The following AADACL4 variants were observed in gnomAD, a reference collection of about 807,000 sequenced individuals.
AADACL4 encodes the protein arylacetamide deacetylase-like 4.
In AADACL4, 9 loss-of-function variants were observed where a neutral mutation model predicts 14.1. That is an observed-to-expected ratio of 0.64 (90% CI 0.39 to 1.12). The LOEUF is 1.12. AADACL4 is among the 50% of genes most tolerant of loss of function. AADACL4 has a pLI of 0.01. For synonymous variants in AADACL4, 188 were observed against 201.6 expected, an observed-to-expected ratio of 0.93 and a Z score of 0.57; for missense variants, 531 against 516.1, an observed-to-expected ratio of 1.03 and a Z score of -0.28.
chr1:12,650,435 G>A (rs1446442878), intron 1 of AADACL4, among the ~76,000 whole-genome samples: 1 of 152,104 alleles, frequency 6.6e-6, no homozygotes, highest in Non-Finnish European at 1.5e-5. Context: ...TGTTGATACA[G>A]GTGAGGAACT....
intron 2 of AADACL4, among the ~76,000 whole-genome samples, chr1:12,654,654 C>T (rs1018952806): frequency 6.6e-6 from 1 of 152,116 alleles, no homozygotes; most frequent in African/African-American, 2.4e-5. Flanking sequence ...GTTATAATAG[C>T]CACAAACCTT....
chr1:12,658,809 A>C (rs1647204611), intron 2 of AADACL4, among the ~76,000 whole-genome samples: 1 of 150,976 alleles, frequency 6.6e-6, no homozygotes, highest in South Asian at 2.1e-4. Flanking sequence ...CCCCGGCTTC[A>C]TCCTTGTTAA....
intron 2 of AADACL4, among the ~76,000 whole-genome samples, chr1:12,653,833 T>C (rs1037538496): frequency 4.6e-5 from 7 of 152,226 alleles, no homozygotes; most frequent in Admixed American, 6.5e-5. Flanking sequence ...GAAGAGAACC[T>C]ATACCCTCTT....
intron 3 of AADACL4, among the ~76,000 whole-genome samples, chr1:12,663,970 A>G (rs1161194075): frequency 6.6e-6 from 1 of 152,236 alleles, no homozygotes; most frequent in Admixed American, 6.5e-5. Context: ...ATTATGCTGC[A>G]ATCAATCAAA....
At chr1:12,659,938 C>T (rs909759469) in intron 2 of AADACL4, among the ~76,000 whole-genome samples, 1 of 152,240 alleles carries the variant, frequency 6.6e-6, no homozygotes, top group Admixed American at 6.5e-5. Flanking sequence ...CCTGCCTCAG[C>T]CTCCTGAGTA....
Position 12,651,316 on chromosome 1 carries a change from G to T in AADACL4, c.362G>T (p.Gly121Val), listed in dbSNP as rs773710906. The change falls in exon 2 of 4, where the codon GGG (glycine) becomes GTG (valine). Residue 121 changes from glycine to valine, a missense_variant. Gly to Val is a moderately radical substitution (Grantham distance 109). Transcript: ENST00000376221. ...CGAGGCATCATCTTCTACCATGGAGGGGCCACAGTATTTGGGAGCCTGGGT... is the reference window on the plus strand; with the variant it reads ...CGAGGCATCATCTTCTACCATGGAGTGGCCACAGTATTTGGGAGCCTGGGT... ...PRRGIIFYHG[G>V]ATVFGSLDCY... The T allele has an allele frequency of 4.8e-5, 77 of 1,614,082 alleles. No homozygotes were observed. The highest frequency in any genetic ancestry group is 6.4e-5 in the Non-Finnish European group (75 of 1,180,050).
At chr1:12,645,966 G>A (rs1431098992) in intron 1 of AADACL4, among the ~76,000 whole-genome samples, 2 of 152,190 alleles carry the variant, frequency 1.3e-5, no homozygotes, top group Non-Finnish European at 2.9e-5. Flanking sequence ...GAGTGGCCGT[G>A]CCAGCCAGGC....
chr1:12,660,670 G>A (rs188008505), intron 2 of AADACL4, among the ~76,000 whole-genome samples: 6 of 152,070 alleles, frequency 3.9e-5, no homozygotes, highest in Admixed American at 2.6e-4. Flanking sequence ...TTGAGATGGA[G>A]TCTTGCTCTG....
intron 1 of AADACL4, among the ~76,000 whole-genome samples, chr1:12,650,863 C>A (rs2493875): frequency 0.037 from 5,685 of 152,252 alleles, 114 homozygotes; most frequent in Middle Eastern, 0.071. Flanking sequence ...GTGGCTTCTT[C>A]CCAGTCAGCC....
intron 2 of AADACL4, among the ~76,000 whole-genome samples, chr1:12,651,768 C>T (rs560562246): frequency 7.6e-4 from 116 of 151,920 alleles, no homozygotes; most frequent in African/African-American, 2.6e-3. Context: ...CTCCCAGCCA[C>T]GGGTCTCCCT....
At chr1:12,661,760 C>G in intron 2 of AADACL4, 31 bp from the exon 3 acceptor site, 1 of 1,609,122 alleles carries the variant, frequency 6.2e-7, no homozygotes, top group Non-Finnish European at 8.5e-7. Flanking sequence ...CCTACTCATG[C>G]GCTGCTGCTC....
intron 2 of AADACL4, among the ~76,000 whole-genome samples, chr1:12,659,594 C>G (rs1264541483): frequency 2.0e-5 from 3 of 152,152 alleles, no homozygotes; most frequent in Admixed American, 1.3e-4. Context: ...ACAGGCAGGA[C>G]CCAACAGGGC....
rs904965295 is a variant in AADACL4 at position 12,653,940 on chromosome 1, C to T, written c.385+2601C>T. ...ATATCCACGTATTAGAGTATCCCCCCCTTTCTAGCTCTAGCTCCCTTAATT... is the reference window on the plus strand; with the variant it reads ...ATATCCACGTATTAGAGTATCCCCCTCTTTCTAGCTCTAGCTCCCTTAATT... On this transcript the variant is annotated intron_variant, in intron 2 of 3. Coordinates refer to ENST00000376221, the MANE Select transcript of AADACL4 (RefSeq NM_001013630.2). 2.0e-5 allele frequency among the ~76,000 whole-genome samples: 3 copies of T among 152,282 alleles called. No individual in the cohort carries two copies. In the East Asian group the frequency reaches 5.8e-4, roughly 29 times the overall value.
rs150726975 is a variant in AADACL4, at chr1:12,660,878, G to A, written c.386-913G>A. Among the ~76,000 whole-genome samples, 183 of 152,184 alleles carry A rather than the reference G, an allele frequency of 1.2e-3. 4 individuals are homozygous for A. The East Asian group carries it at 0.034, about 29-fold the overall frequency. ...AGGTTGGTCTCAAACTCCTGACCTC[G>A]TGATCCACCCACCTCGGCCTCCCAA... On this transcript the variant is annotated intron_variant, in intron 2 of 3. Coordinates refer to ENST00000376221, the MANE Select transcript of AADACL4 (RefSeq NM_001013630.2).
At chr1:12,658,033 TTTCCTTCC>T (rs143888091) in intron 2 of AADACL4, among the ~76,000 whole-genome samples, 341 of 147,726 alleles carry the variant, frequency 2.3e-3, no homozygotes, top group African/African-American at 6.5e-3. Flanking sequence ...TTTCTCTTTC[TTTCCTTCC>T]TTCCTTCCTT....
At chr1:12,649,832 T>C (rs774641639) in intron 1 of AADACL4, among the ~76,000 whole-genome samples, 23 of 152,332 alleles carry the variant, frequency 1.5e-4, no homozygotes, top group Admixed American at 1.4e-3. Flanking sequence ...GGCTTTTCAG[T>C]TCATTGGAGT....
intron 2 of AADACL4, among the ~76,000 whole-genome samples, chr1:12,657,140 C>CAAAAAAA (rs59777423): frequency 2.0e-5 from 1 of 51,100 alleles, no homozygotes; most frequent in African/African-American, 6.2e-5. Context: ...AAGACTGTCT[C>CAAAAAAA]AAAAAAAAAA....
Position 12,644,540 on chromosome 1 carries a change from C to G in AADACL4, c.-7C>G. ...TCAGGGCAGCAGCTCCTCAAGGCCC[C>G]AGGAACATGGCTGTCCCCTGGCTAG... On this transcript the variant is annotated 5_prime_UTR_variant, in exon 1 of 4. Transcript: ENST00000376221. 1 of 1,613,464 alleles carries G rather than the reference C, an allele frequency of 6.2e-7. No homozygotes were observed. Among genetic ancestry groups the G allele is most frequent in the Non-Finnish European group, 8.5e-7 (1 of 1,179,722 alleles).
At chr1:12,648,160 T>C (rs1040397378) in intron 1 of AADACL4, among the ~76,000 whole-genome samples, 8 of 151,612 alleles carry the variant, frequency 5.3e-5, no homozygotes, top group African/African-American at 1.2e-4. Flanking sequence ...TTAGTAGAGA[T>C]GGGGTTTCAC....
Sources: allele counts gnomAD v4.1 joint callset (sites outside exome capture counted in the v4.1 genomes callset), GRCh38; gene constraint gnomAD v4.1.1; transcripts MANE v1.5; gene names NCBI Gene and HGNC (gene_info 2026-07-23, HGNC 2026-07-21).